The following KIZ variants were observed in gnomAD, a reference collection of about 807,000 sequenced individuals.
KIZ encodes the protein centrosomal protein kizuna.
A neutral mutation model predicts 79.6 loss-of-function variants in KIZ; 68 were observed. The observed-to-expected ratio is 0.85, with a 90% CI of 0.70 to 1.05. The LOEUF (loss-of-function observed/expected upper bound fraction) is 1.05, where lower values mean the gene tolerates loss of function less well. Ranked by LOEUF, KIZ falls within the 50% of genes least tolerant of loss-of-function variation. KIZ has a pLI of 0.00. For missense variants in KIZ, 797 were observed against 800.4 expected (o/e 1.00, Z 0.05); for synonymous variants, 280 against 281.8 (o/e 0.99, Z 0.06).
At chr20:21,214,763 C>T (rs996561250) in intron 8 of KIZ, 63 bp downstream of exon 8, 1 of 1,026,854 alleles carries the variant, frequency 9.7e-7, no homozygotes, top group African/African-American at 1.6e-5. Flanking sequence ...TCATCTTTCT[C>T]AAGGTACACC....
chr20:21,241,373 A>G (rs958325889), intron 11 of KIZ, among the ~76,000 whole-genome samples: 17 of 152,258 alleles, frequency 1.1e-4, no homozygotes, highest in Admixed American at 1.1e-3. Flanking sequence ...AGAGTGGAGA[A>G]CAAAACACTG....
intron 6 of KIZ, among the ~76,000 whole-genome samples, chr20:21,191,373 TAAATATTGCCC>T (rs979445580): frequency 4.6e-5 from 7 of 152,214 alleles, no homozygotes; most frequent in Non-Finnish European, 8.8e-5. Context: ...TGCTTATAAA[TAAATATTGCCC>T]TTTTAAGAAA....
At chr20:21,139,435 A>G (rs1038201815) in intron 3 of KIZ, among the ~76,000 whole-genome samples, 64 of 152,236 alleles carry the variant, frequency 4.2e-4, no homozygotes, top group African/African-American at 1.4e-3. Context: ...TTTTTCTTTT[A>G]GTATTCATGA....
At chr20:21,181,856 A>G (rs2034669524) in intron 6 of KIZ, among the ~76,000 whole-genome samples, 1 of 152,214 alleles carries the variant, frequency 6.6e-6, no homozygotes, top group South Asian at 2.1e-4. Flanking sequence ...TAACAGGAAC[A>G]CTGTCTGAAA....
intron 6 of KIZ, among the ~76,000 whole-genome samples, chr20:21,175,941 A>G (rs1431363650): frequency 6.6e-6 from 1 of 152,100 alleles, no homozygotes; most frequent in South Asian, 2.1e-4. Flanking sequence ...ACTTAAATGC[A>G]GGAGGTGGAG....
intron 7 of KIZ, chr20:21,213,635 A>C (rs1568983487): frequency 1.3e-5 from 2 of 152,214 alleles, no homozygotes; most frequent in East Asian, 3.9e-4. Context: ...TGGCAGCGGG[A>C]TAATGTGACC....
intron 4 of KIZ, among the ~76,000 whole-genome samples, chr20:21,158,085 A>C (rs1306267680): frequency 6.6e-6 from 1 of 152,154 alleles, no homozygotes; most frequent in Non-Finnish European, 1.5e-5. Flanking sequence ...TAACAGGAAA[A>C]ATGAAAGTAG....
intron 7 of KIZ, 57 bp from the exon 8 acceptor site, chr20:21,214,478 G>T: frequency 1.6e-6 from 2 of 1,278,156 alleles, no homozygotes; most frequent in Non-Finnish European, 2.2e-6. Flanking sequence ...TTGAGACCAA[G>T]AGGAATGTGG....
intron 6 of KIZ, among the ~76,000 whole-genome samples, chr20:21,177,641 TG>T (rs1160411359): frequency 2.6e-5 from 4 of 152,156 alleles, no homozygotes; most frequent in African/African-American, 9.6e-5. Flanking sequence ...GTCGTATCCA[TG>T]AAATCTTTGC....
chr20:21,143,843 A>C (rs1263361767), intron 3 of KIZ, among the ~76,000 whole-genome samples: 1 of 152,202 alleles, frequency 6.6e-6, no homozygotes, highest in African/African-American at 2.4e-5. Context: ...GACATGGATA[A>C]TAACCAGGTG....
intron 7 of KIZ, among the ~76,000 whole-genome samples, chr20:21,211,312 T>G (rs957310900): frequency 2.0e-5 from 3 of 152,232 alleles, no homozygotes; most frequent in African/African-American, 7.2e-5. Context: ...TCAACATCAG[T>G]CATTCCACAA....
At chr20:21,239,171 GA>G (rs1020766286) in intron 11 of KIZ, among the ~76,000 whole-genome samples, 2 of 152,234 alleles carry the variant, frequency 1.3e-5, no homozygotes, top group African/African-American at 4.8e-5. Flanking sequence ...CTACAGACAA[GA>G]AAACTGGTGC....
At chr20:21,202,186 A>G (rs1443980214) in intron 6 of KIZ, 1 of 152,226 alleles carries the variant, frequency 6.6e-6, no homozygotes, top group Non-Finnish European at 1.5e-5. Context: ...AATCTTGTGT[A>G]TTAGCCACCA....
intron 4 of KIZ, among the ~76,000 whole-genome samples, chr20:21,145,905 T>C (rs997234629): frequency 2.6e-5 from 4 of 152,150 alleles, no homozygotes; most frequent in African/African-American, 4.8e-5. Flanking sequence ...GTAGGTAAAA[T>C]TGTTTTTCTA....
At chr20:21,165,941 G>T (rs547310170) in intron 6 of KIZ, among the ~76,000 whole-genome samples, 12 of 152,164 alleles carry the variant, frequency 7.9e-5, no homozygotes, top group South Asian at 6.2e-4. Context: ...GACTACAGGT[G>T]CCCGCCATCA....
intron 6 of KIZ, among the ~76,000 whole-genome samples, chr20:21,199,214 A>G (rs776216843): frequency 1.6e-4 from 24 of 152,334 alleles, no homozygotes; most frequent in Middle Eastern, 3.4e-3. Flanking sequence ...GTTTCTCAGC[A>G]TTCATAATAG....
intron 6 of KIZ, among the ~76,000 whole-genome samples, chr20:21,200,511 G>A (rs943537627): frequency 1.3e-5 from 2 of 151,716 alleles, no homozygotes; most frequent in Admixed American, 6.6e-5. Flanking sequence ...AGATGGTCCC[G>A]TTTGGGAGTG....
rs1168284874 is a variant in KIZ, at chr20:21,166,276, G to A, written c.1352+3117G>A. 1.9e-6 allele frequency: 3 copies of A among 1,600,358 alleles called. No homozygotes were observed. In the African/African-American group the frequency reaches 4.0e-5, roughly 21 times the overall value. The stretch of plus-strand genomic sequence containing the variant: ...TGCTTCTTCATGGTCCATGATGCCA[G>A]CTGAGGTTGTCAGTACAATGAAACC... On this transcript the variant is annotated intron_variant, in intron 6 of 12. Coordinates refer to ENST00000619189, the MANE Select transcript of KIZ (RefSeq NM_018474.6).
At chr20:21,215,286 A>C (rs2036239011) in intron 8 of KIZ, among the ~76,000 whole-genome samples, 1 of 152,328 alleles carries the variant, frequency 6.6e-6, no homozygotes, top group East Asian at 1.9e-4. Context: ...GTTGATGTAC[A>C]TGTGCAGGAT....
Sources: allele counts gnomAD v4.1 joint callset (sites outside exome capture counted in the v4.1 genomes callset), GRCh38; gene constraint gnomAD v4.1.1; transcripts MANE v1.5; gene names NCBI Gene and HGNC (gene_info 2026-07-23, HGNC 2026-07-21).